The following ADAM9 variants were observed in gnomAD, a reference collection of about 807,000 sequenced individuals.
ADAM9 encodes the protein disintegrin and metalloproteinase domain-containing protein 9.
Under a neutral mutation model 108.1 loss-of-function variants are expected in ADAM9, and 54 were observed. The ratio of observed to expected loss-of-function variants is 0.50; its 90% CI spans 0.40 to 0.63. ADAM9 has a LOEUF of 0.63. Among genes scored for constraint, ADAM9 ranks in the 20% least tolerant of loss-of-function variants. The pLI, the probability that ADAM9 is intolerant of heterozygous loss-of-function variation, is 0.00. For synonymous variants in ADAM9, 316 were observed against 336.0 expected (o/e 0.94, Z 0.65); for missense variants, 830 against 997.7 (o/e 0.83, Z 2.26).
Position 39,055,669 on chromosome 8 carries a change from T to C in ADAM9, c.1488T>C (p.Asp496=). Residue 496 remains aspartate, a synonymous_variant, in exon 14 of 22, where the codon GAT becomes GAC. Coordinates refer to ENST00000487273, the MANE Select transcript of ADAM9 (RefSeq NM_003816.3). ...CNGSSQFCQP[D]VFIQNGYPCQ... ...GTTCTTCTCAGTTCTGTCAGCCAGA[T>C]GTTTTTATTCAGAATGGATATCCTT... 1.2e-6 allele frequency: 2 copies of C among 1,613,844 alleles called. No homozygotes were observed. The highest frequency in any genetic ancestry group is 1.7e-6 in the Non-Finnish European group (2 of 1,179,792).
Position 39,025,866 on chromosome 8 carries a change from C to T in ADAM9, c.978C>T (p.His326=), listed in dbSNP as rs540503329. ...TGGGAACAGTGTGTTCAAGGAGCCA[C>T]GCAGGCGGGATTAATGTGGTACGTT... ...AFVGTVCSRS[H]AGGINVFGQI... is the part of the protein sequence containing the mutation. The change falls in exon 10 of 22, where the codon CAC becomes CAT. Residue 326 remains histidine, a synonymous_variant. Coordinates refer to ENST00000487273, the MANE Select transcript of ADAM9 (RefSeq NM_003816.3). 2.5e-5 allele frequency: 41 copies of T among 1,614,066 alleles called. No individual in the cohort carries two copies. The highest frequency in any genetic ancestry group is 1.7e-4 in the Admixed American group (10 of 60,016).
intron 16 of ADAM9, among the ~76,000 whole-genome samples, chr8:39,077,970 C>T (rs1246427401): frequency 6.6e-6 from 1 of 151,978 alleles, no homozygotes; most frequent in East Asian, 1.9e-4. Context: ...GAAGTAGGAG[C>T]TGGGGTAGAA....
At position 39,103,839 on chromosome 8, in the gene ADAM9, A is replaced by G. The variant is rs1839779172; in HGVS notation, c.*139A>G. On this transcript the variant is annotated 3_prime_UTR_variant, in exon 22 of 22. Transcript: ENST00000487273. ...ACCACAAAACAGACTTCACTAACACAGAAAAACAGAAACTGAGTGTGAGAG... is the reference window on the plus strand; with the variant it reads ...ACCACAAAACAGACTTCACTAACACGGAAAAACAGAAACTGAGTGTGAGAG... 2.5e-6 allele frequency: 2 copies of G among 796,362 alleles called. No individual in the cohort carries two copies. The highest frequency in any genetic ancestry group is 4.3e-6 in the Non-Finnish European group (2 of 467,560). The allele number at this position is 796,362 out of a possible 1,614,324, so 49.3% of individuals were successfully genotyped here.
intron 14 of ADAM9, among the ~76,000 whole-genome samples, chr8:39,066,147 A>C (rs953899217): frequency 5.3e-5 from 8 of 152,280 alleles, no homozygotes; most frequent in African/African-American, 1.9e-4. Context: ...AATCCAGTCT[A>C]TCATTGATGG....
chr8:39,049,848 CT>C (rs767190114), intron 12 of ADAM9, among the ~76,000 whole-genome samples: 34 of 152,132 alleles, frequency 2.2e-4, no homozygotes, highest in Non-Finnish European at 4.6e-4. Context: ...TATATTTATT[CT>C]TACTAATTAA....
At chr8:39,100,360 G>A (rs1197265100) in intron 20 of ADAM9, among the ~76,000 whole-genome samples, 1 of 151,880 alleles carries the variant, frequency 6.6e-6, no homozygotes, top group East Asian at 2.0e-4. Flanking sequence ...AGGCGTGGTG[G>A]TGGGTGCCTG....
In ADAM9 at chr8:39,023,273, C is replaced by T. The variant is rs746377128; in HGVS notation, c.862C>T (p.Arg288Trp). Reference protein sequence around the residue: ...GDVLGNFVQWREKFLITRRRH... With the variant: ...GDVLGNFVQWWEKFLITRRRH... ...TGTGCTGGGGAACTTCGTGCAGTGG[C>T]GGGAAAAGTTTCTTATCACACGTCG... Residue 288 changes from arginine to tryptophan, a missense_variant, in exon 9 of 22, where the codon CGG becomes TGG. By Grantham distance (101) the Arg-to-Trp change is moderately radical. Coordinates refer to ENST00000487273, the MANE Select transcript of ADAM9 (RefSeq NM_003816.3). The T allele has an allele frequency of 1.9e-6, 3 of 1,612,862 alleles. No homozygotes were observed. The highest frequency in any genetic ancestry group is 2.2e-5 in the East Asian group (1 of 44,846).
At chr8:39,029,015 T>G (rs918705261) in intron 11 of ADAM9, among the ~76,000 whole-genome samples, 1 of 152,172 alleles carries the variant, frequency 6.6e-6, no homozygotes, top group African/African-American at 2.4e-5. Context: ...GAATGGTATT[T>G]TTGAATATTA....
At position 39,025,896 on chromosome 8, in the gene ADAM9, T is replaced by C. The variant is rs1359393519; in HGVS notation, c.996+12T>C. 6.2e-7 allele frequency: 1 copy of C among 1,613,016 alleles called. No individual in the cohort carries two copies. Among genetic ancestry groups the C allele is most frequent in the Non-Finnish European group, 8.5e-7 (1 of 1,179,176 alleles). ...GCGGGATTAATGTGGTACGTTGTTC[T>C]TGATGTTTAACTTTGGATGTTTGCA... On this transcript the variant is annotated intron_variant, in intron 10 of 21. Coordinates refer to ENST00000487273, the MANE Select transcript of ADAM9 (RefSeq NM_003816.3).
chr8:39,037,921 G>C (rs578185657), intron 11 of ADAM9, among the ~76,000 whole-genome samples: 2 of 152,168 alleles, frequency 1.3e-5, no homozygotes, highest in East Asian at 1.9e-4. Flanking sequence ...GTCCTAAAAT[G>C]TGATCTACCC....
chr8:39,098,415 T>C (rs1332572022), intron 20 of ADAM9, among the ~76,000 whole-genome samples: 2 of 152,262 alleles, frequency 1.3e-5, no homozygotes, highest in African/African-American at 4.8e-5. Flanking sequence ...GACTTTTTAC[T>C]ATCTCTGTTT....
intron 16 of ADAM9, among the ~76,000 whole-genome samples, chr8:39,081,244 C>G (rs1057031804): frequency 6.6e-6 from 1 of 151,434 alleles, no homozygotes; most frequent in Non-Finnish European, 1.5e-5. Flanking sequence ...CCACTGCACC[C>G]GGTCCCCACT....
At chr8:39,056,756 G>A (rs1033150731) in intron 14 of ADAM9, among the ~76,000 whole-genome samples, 1 of 152,016 alleles carries the variant, frequency 6.6e-6, no homozygotes, top group Non-Finnish European at 1.5e-5. Flanking sequence ...GCCTGATTGT[G>A]CCTTGAGTTG....
intron 7 of ADAM9, among the ~76,000 whole-genome samples, chr8:39,019,779 A>G (rs1459124154): frequency 6.6e-6 from 1 of 152,168 alleles, no homozygotes; most frequent in Non-Finnish European, 1.5e-5. Flanking sequence ...TCCTTGTTGT[A>G]TGTAGGTTGG....
chr8:39,050,252 T>A (rs1378158367), intron 12 of ADAM9, among the ~76,000 whole-genome samples: 1 of 152,186 alleles, frequency 6.6e-6, no homozygotes, highest in East Asian at 1.9e-4. Context: ...TTTAGATTCT[T>A]CTTACTTAAG....
intron 12 of ADAM9, among the ~76,000 whole-genome samples, chr8:39,045,566 G>GTA (rs1302559064): frequency 5.1e-5 from 3 of 58,352 alleles, no homozygotes; most frequent in African/African-American, 2.2e-4. Flanking sequence ...ATATGTGTGT[G>GTA]TGTGTATATA....
At chr8:39,015,482 C>T (rs1836497557) in intron 4 of ADAM9, 1 of 152,138 alleles carries the variant, frequency 6.6e-6, no homozygotes, top group Non-Finnish European at 1.5e-5. Flanking sequence ...TCAACTAAGA[C>T]AGATGGTGTC....
intron 11 of ADAM9, among the ~76,000 whole-genome samples, chr8:39,031,004 C>T (rs1564271779): frequency 6.6e-6 from 1 of 152,104 alleles, no homozygotes. Context: ...ATGTCTTTTG[C>T]AAATATTTTC....
At chr8:39,025,115 G>T (rs1836877409) in intron 9 of ADAM9, among the ~76,000 whole-genome samples, 1 of 151,974 alleles carries the variant, frequency 6.6e-6, no homozygotes, top group Non-Finnish European at 1.5e-5. Context: ...TTTGGAGACA[G>T]AGTCTCATTC....
Sources: gnomAD v4.1 joint callset for allele counts (sites outside exome capture counted in the v4.1 genomes callset) on GRCh38, gnomAD v4.1.1 for gene constraint, MANE v1.5 for transcripts, NCBI Gene and HGNC (gene_info 2026-07-23, HGNC 2026-07-21) for gene names.